PRSS12: variants seen among roughly 807,000 people sequenced by gnomAD.
PRSS12 encodes serine protease 12, also known as neurotrypsin.
In PRSS12, 85 loss-of-function variants were observed where a neutral mutation model predicts 104.4. That is an observed-to-expected ratio of 0.81 (90% CI 0.68 to 0.98). The LOEUF is 0.98. Among genes scored for constraint, PRSS12 ranks in the 50% least tolerant of loss-of-function variants. The probability of loss-of-function intolerance (pLI) is 0.00; values close to 1 mark genes in which losing one functional copy is unlikely to be tolerated. For missense variants in PRSS12, 1,141 were observed against 1,139.2 expected (o/e 1.00, Z -0.02); for synonymous variants, 454 against 425.2 (o/e 1.07, Z -0.83).
intron 7 of PRSS12, among the ~76,000 whole-genome samples, chr4:118,309,643 C>T (rs964341215): frequency 6.6e-6 from 1 of 152,160 alleles, no homozygotes; most frequent in Admixed American, 6.5e-5. Context: ...AACACTCACA[C>T]ATCTGATTAC....
intron 11 of PRSS12, among the ~76,000 whole-genome samples, chr4:118,287,286 C>A (rs116375370): frequency 0.014 from 2,137 of 152,208 alleles, 56 homozygotes; most frequent in African/African-American, 0.049. Flanking sequence ...GCCGGGACCA[C>A]AAGTGCATGC....
chr4:118,323,825 ACACACACATG>A (rs1560778955), intron 4 of PRSS12, among the ~76,000 whole-genome samples: 2 of 151,886 alleles, frequency 1.3e-5, no homozygotes, highest in South Asian at 2.1e-4. Flanking sequence ...ATATATACAC[ACACACACATG>A]CACACACATT....
At chr4:118,338,962 T>C (rs963669644) in intron 1 of PRSS12, among the ~76,000 whole-genome samples, 7 of 152,020 alleles carry the variant, frequency 4.6e-5, no homozygotes, top group Admixed American at 2.0e-4. Flanking sequence ...AGCCACTAGG[T>C]AGTATGTATA....
At chr4:118,333,104 G>A (rs888622507) in intron 3 of PRSS12, among the ~76,000 whole-genome samples, 1 of 152,206 alleles carries the variant, frequency 6.6e-6, no homozygotes, top group Non-Finnish European at 1.5e-5. Flanking sequence ...TTGGAAGTCA[G>A]AGATGAGGGA....
chr4:118,281,715 T>C lies in PRSS12; in HGVS notation c.*221A>G. On this transcript the variant is annotated 3_prime_UTR_variant, in exon 13 of 13. Coordinates refer to ENST00000296498, the MANE Select transcript of PRSS12 (RefSeq NM_003619.4). ...TTAGAATAAGTCACTCCAGTGAAAT[T>C]AGGGTAGAAAATGTTCATTTAAGGA... 1.7e-6 allele frequency: 1 copy of C among 583,714 alleles called. No homozygotes were observed. The highest frequency in any genetic ancestry group is 3.1e-6 in the Non-Finnish European group (1 of 326,204). 36.2% of individuals were successfully genotyped at this position (583,714 alleles called of 1,614,324 possible).
intron 11 of PRSS12, among the ~76,000 whole-genome samples, chr4:118,291,343 C>T (rs1323075280): frequency 2.0e-5 from 3 of 152,170 alleles, no homozygotes; most frequent in East Asian, 1.9e-4. Flanking sequence ...ATCTTATCTA[C>T]CACCAGCCTC....
At chr4:118,346,246 T>G (rs556470570) in intron 1 of PRSS12, among the ~76,000 whole-genome samples, 18 of 152,258 alleles carry the variant, frequency 1.2e-4, no homozygotes, top group African/African-American at 4.1e-4. Flanking sequence ...CTTCTTGTAA[T>G]AGGAACAATA....
At position 118,351,140 on chromosome 4, in the gene PRSS12, G is replaced by A. The variant is rs183706702; in HGVS notation, c.502+1079C>T. Among the ~76,000 whole-genome samples the A allele has an allele frequency of 2.0e-5, 3 of 152,190 alleles. No homozygotes were observed. In the East Asian group the frequency reaches 5.8e-4, roughly 29 times the overall value. ...ACTCAAAGCACTAATGCAATTGAAG[G>A]TACTGATAAATAAAATTTCTCCAGG... On this transcript the variant is annotated intron_variant, in intron 1 of 12. Transcript: ENST00000296498.
chr4:118,291,886 C>G (rs777221229), intron 11 of PRSS12, among the ~76,000 whole-genome samples: 5 of 152,158 alleles, frequency 3.3e-5, no homozygotes, highest in African/African-American at 7.2e-5. Context: ...TTTCCTGGAA[C>G]TAAAGGCAGC....
At chr4:118,339,721 A>G (rs1447616695) in intron 1 of PRSS12, among the ~76,000 whole-genome samples, 1 of 152,226 alleles carries the variant, frequency 6.6e-6, no homozygotes, top group Admixed American at 6.5e-5. Context: ...AGCTCAGTGA[A>G]GTATGAACTA....
chr4:118,339,698 G>A (rs1441412186), intron 1 of PRSS12, among the ~76,000 whole-genome samples: 1 of 152,166 alleles, frequency 6.6e-6, no homozygotes, highest in Non-Finnish European at 1.5e-5. Flanking sequence ...GTAAGCAAGA[G>A]GAAGTCCTGC....
intron 1 of PRSS12, among the ~76,000 whole-genome samples, chr4:118,347,724 C>T (rs1012153331): frequency 5.3e-5 from 8 of 152,122 alleles, no homozygotes; most frequent in Non-Finnish European, 1.0e-4. Flanking sequence ...GGTCTCCCTC[C>T]GTTGCCCAGA....
chr4:118,280,735 C>T lies in PRSS12; in HGVS notation c.*1201G>A, dbSNP rs565676366. The T allele has an allele frequency of 6.6e-6, 1 of 152,218 alleles. No homozygotes were observed. Among genetic ancestry groups the T allele is most frequent in the African/African-American group, 2.4e-5 (1 of 41,450 alleles). 9.4% of individuals were successfully genotyped at this position (152,218 alleles called of 1,614,324 possible). The stretch of plus-strand genomic sequence containing the variant: ...AAGGTGCATAGTTAAGCAGCTATCC[C>T]TTAACTCTTGGAGAAATAGCCATAG... On this transcript the variant is annotated 3_prime_UTR_variant, in exon 13 of 13. Transcript: ENST00000296498.
chr4:118,312,929 T>C (rs755163962), intron 7 of PRSS12: 21 of 459,304 alleles, frequency 4.6e-5, no homozygotes, highest in African/African-American at 9.9e-5. Flanking sequence ...CTTTATTCCA[T>C]TTTTCAGATA....
intron 8 of PRSS12, among the ~76,000 whole-genome samples, chr4:118,302,792 T>C (rs1743433524): frequency 7.8e-6 from 1 of 127,798 alleles, no homozygotes; most frequent in African/African-American, 2.8e-5. Flanking sequence ...TTCTTTTCTG[T>C]TCTCTATGTT....
In PRSS12 at chr4:118,316,457, T is replaced by G. The variant is rs111332244; in HGVS notation, c.1151-134A>C. The G allele has an allele frequency of 5.6e-6, 6 of 1,069,964 alleles. No homozygotes were observed. The African/African-American group carries it at 7.9e-5, about 14-fold the overall frequency. 66.3% of individuals were successfully genotyped at this position (1,069,964 alleles called of 1,614,324 possible). A position where few individuals can be genotyped will look rare whatever the true frequency, so the allele number is the denominator to read the frequency against. Reference sequence around the variant, plus strand: ...CCTTTTGCTAAACTTACATTACATCTGTGCTAAATGACCCTCTGAGGTTAT... The same window carrying G: ...CCTTTTGCTAAACTTACATTACATCGGTGCTAAATGACCCTCTGAGGTTAT... On this transcript the variant is annotated intron_variant, in intron 5 of 12. Transcript: ENST00000296498.
chr4:118,298,438 T>C (rs1743307912), intron 9 of PRSS12, among the ~76,000 whole-genome samples: 1 of 152,166 alleles, frequency 6.6e-6, no homozygotes, highest in Non-Finnish European at 1.5e-5. Context: ...GCAACAAGCA[T>C]GAGAGCTTTA....
intron 12 of PRSS12, 68 bp downstream of exon 12, chr4:118,282,763 T>C (rs1202564670): frequency 1.6e-5 from 25 of 1,603,010 alleles, no homozygotes; most frequent in Non-Finnish European, 2.0e-5. Flanking sequence ...TATTGCCCAT[T>C]GCACACCCAA....
In PRSS12 at chr4:118,352,540, G is replaced by A; in HGVS notation, c.181C>T (p.Pro61Ser). 1 of 1,505,510 alleles carries A rather than the reference G, an allele frequency of 6.6e-7. No homozygotes were observed. The highest frequency in any genetic ancestry group is 8.9e-7 in the Non-Finnish European group (1 of 1,123,510). The allele number at this position is 1,505,510 out of a possible 1,614,324, so 93.3% of individuals were successfully genotyped here. Residue 61 changes from proline to serine, a missense_variant, in exon 1 of 13, where the codon CCT becomes TCT. Transcript: ENST00000296498. ...GGGGGGCGCGGGAAGCGCGGGAGAG[G>A]CGGCGGCGGACGCGTCCTCGGGGGC... ...QRPPRTRPPP[P>S]LPRFPRPPRA...
Sources: gnomAD v4.1 joint callset for allele counts (sites outside exome capture counted in the v4.1 genomes callset) on GRCh38, gnomAD v4.1.1 for gene constraint, MANE v1.5 for transcripts, NCBI Gene and HGNC (gene_info 2026-07-23, HGNC 2026-07-21) for gene names.